The following DOCK4 variants were observed in gnomAD, a reference collection of about 807,000 sequenced individuals.
DOCK4 encodes the protein dedicator of cytokinesis protein 4.
A neutral mutation model predicts 268.1 loss-of-function variants in DOCK4; 97 were observed. That is an observed-to-expected ratio of 0.36 (90% CI 0.31 to 0.43). The LOEUF is 0.43. Ranked by LOEUF, DOCK4 falls within the 20% of genes least tolerant of loss-of-function variation. The probability of loss-of-function intolerance (pLI) is 1.00; values close to 1 mark genes in which losing one functional copy is unlikely to be tolerated. For missense variants in DOCK4, 2,145 were observed against 2,455.7 expected (o/e 0.87, Z 2.67); for synonymous variants, 954 against 887.2 (o/e 1.08, Z -1.34).
In DOCK4 at chr7:112,179,848, A is replaced by C. The variant is rs561264062; in HGVS notation, c.37+26254T>G. Among the ~76,000 whole-genome samples, 5 of 152,330 alleles carry C rather than the reference A, an allele frequency of 3.3e-5. No individual in the cohort carries two copies. In the East Asian group the frequency reaches 9.6e-4, roughly 29 times the overall value. Reference sequence around the variant, plus strand: ...ACCTCAAAGGTATGATGAATATTTAACTGGGGCTCGTATCACTTTAGCATA... The same window carrying C: ...ACCTCAAAGGTATGATGAATATTTACCTGGGGCTCGTATCACTTTAGCATA... On this transcript the variant is annotated intron_variant, in intron 1 of 52. Transcript: ENST00000428084.
intron 26 of DOCK4, among the ~76,000 whole-genome samples, chr7:111,827,074 T>A (rs1271833058): frequency 2.0e-5 from 3 of 152,094 alleles, no homozygotes; most frequent in Non-Finnish European, 4.4e-5. Flanking sequence ...GAACAATGAA[T>A]AGGACAGACC....
chr7:111,860,464 T>C (rs1421206817), intron 23 of DOCK4, among the ~76,000 whole-genome samples: 1 of 152,212 alleles, frequency 6.6e-6, no homozygotes, highest in East Asian at 1.9e-4. Context: ...GCTGCGGCAG[T>C]GACAGAAGCC....
intron 23 of DOCK4, among the ~76,000 whole-genome samples, chr7:111,862,225 G>C (rs1805595895): frequency 1.3e-5 from 2 of 151,850 alleles, no homozygotes; most frequent in African/African-American, 2.4e-5. Flanking sequence ...CTTGAACCTG[G>C]GAGGCAGAAG....
intron 1 of DOCK4, among the ~76,000 whole-genome samples, chr7:112,078,576 C>A (rs1246632402): frequency 6.6e-6 from 1 of 152,112 alleles, no homozygotes; most frequent in Non-Finnish European, 1.5e-5. Context: ...AAGAGTTTGT[C>A]GAGTTTAAGG....
chr7:112,183,431 T>C (rs1258420852), intron 1 of DOCK4, among the ~76,000 whole-genome samples: 1 of 152,270 alleles, frequency 6.6e-6, no homozygotes, highest in African/African-American at 2.4e-5. Flanking sequence ...CAGGCTTTAC[T>C]GATGGCCTGA....
chr7:111,730,616 G>A (rs1795017645), intron 52 of DOCK4, among the ~76,000 whole-genome samples: 3 of 151,156 alleles, frequency 2.0e-5, no homozygotes, highest in Admixed American at 1.3e-4. Flanking sequence ...TAGACCCACA[G>A]TTTGATGGCT....
intron 30 of DOCK4, among the ~76,000 whole-genome samples, chr7:111,797,125 C>T (rs1799954514): frequency 6.6e-6 from 1 of 152,180 alleles, no homozygotes; most frequent in Non-Finnish European, 1.5e-5. Context: ...ACTTCCTTAA[C>T]CTGAGAACGT....
At chr7:112,166,284 C>T (rs1380551444) in intron 1 of DOCK4, among the ~76,000 whole-genome samples, 2 of 152,068 alleles carry the variant, frequency 1.3e-5, no homozygotes, top group Non-Finnish European at 2.9e-5. Context: ...AAAAAACATG[C>T]TCTTGGGGTA....
intron 1 of DOCK4, among the ~76,000 whole-genome samples, chr7:112,143,933 C>T (rs1267149600): frequency 2.0e-5 from 3 of 152,192 alleles, no homozygotes; most frequent in Admixed American, 6.5e-5. Context: ...TCTTCCTACA[C>T]GGATTGTAAA....
chr7:111,771,249 G>A lies in DOCK4; in HGVS notation c.3680-1572C>T, dbSNP rs577670119. ...CTCCATGTAGTACAGGTATGAAAGA[G>A]CCCACCTCCATCTCTTTTAAGAAGC... is the stretch of plus-strand genomic sequence containing the variant. On this transcript the variant is annotated intron_variant, in intron 36 of 52. Coordinates refer to ENST00000428084, the MANE Select transcript of DOCK4 (RefSeq NM_001363540.2). Among the ~76,000 whole-genome samples, 6 of 152,276 alleles carry A rather than the reference G, an allele frequency of 3.9e-5. No homozygotes were observed. The East Asian group carries it at 1.2e-3, about 29-fold the overall frequency.
chr7:111,744,454 A>G (rs1353671464), intron 44 of DOCK4, among the ~76,000 whole-genome samples: 1 of 152,174 alleles, frequency 6.6e-6, no homozygotes. Flanking sequence ...TGCTTGTCTT[A>G]TAACAGAGAT....
intron 23 of DOCK4, among the ~76,000 whole-genome samples, chr7:111,854,214 C>G (rs1222200557): frequency 6.6e-6 from 1 of 152,208 alleles, no homozygotes; most frequent in South Asian, 2.1e-4. Flanking sequence ...CACAGGCAGA[C>G]AGCCTGGTGC....
chr7:111,948,110 A>G lies in DOCK4; in HGVS notation c.702-2312T>C, dbSNP rs79082535. 6.1e-3 allele frequency among the ~76,000 whole-genome samples: 933 copies of G among 152,342 alleles called. 12 individuals are homozygous for G. The highest frequency in any genetic ancestry group is 0.022 in the African/African-American group (897 of 41,566). On this transcript the variant is annotated intron_variant, in intron 8 of 52. Transcript: ENST00000428084. The stretch of plus-strand genomic sequence containing the variant: ...GGAATTATACTTTAACCATATTATT[A>G]GGTAATACATTTTTGGGAATTTACC...
At chr7:111,978,709 G>A (rs1396051844) in intron 7 of DOCK4, among the ~76,000 whole-genome samples, 1 of 152,164 alleles carries the variant, frequency 6.6e-6, no homozygotes, top group African/African-American at 2.4e-5. Context: ...ATAATTCCCT[G>A]CAGACTGATT....
chr7:112,072,648 G>C (rs570828624), intron 1 of DOCK4, among the ~76,000 whole-genome samples: 2 of 152,180 alleles, frequency 1.3e-5, no homozygotes, highest in African/African-American at 4.8e-5. Context: ...CAACCATCAG[G>C]TGATGGTCAG....
chr7:111,765,154 A>C lies in DOCK4; in HGVS notation c.3984T>G (p.Val1328=). 6.5e-7 allele frequency: 1 copy of C among 1,542,464 alleles called. No homozygotes were observed. Among genetic ancestry groups the C allele is most frequent in the Non-Finnish European group, 8.7e-7 (1 of 1,147,578 alleles). ...ATGGAAATTTTTTTCCATAAAATCC[A>C]ACTCTGAAGAACTCTGGTTCAAGAC... The part of the protein sequence containing the change: ...QQRLEPEFFR[V]GFYGKKFPFF... The change falls in exon 39 of 53, where the codon GTT becomes GTG. Residue 1328 remains valine, a synonymous_variant. Transcript: ENST00000428084.
intron 36 of DOCK4, among the ~76,000 whole-genome samples, chr7:111,770,970 G>C (rs1240992920): frequency 6.6e-6 from 1 of 152,196 alleles, no homozygotes; most frequent in Admixed American, 6.5e-5. Context: ...TACCTTTGGT[G>C]AGCTTATACA....
At chr7:111,987,189 TATC>T (rs1321754869) in intron 6 of DOCK4, among the ~76,000 whole-genome samples, 1 of 152,198 alleles carries the variant, frequency 6.6e-6, no homozygotes, top group Non-Finnish European at 1.5e-5. Context: ...TTTACCAACT[TATC>T]ATAAATTAGC....
Position 111,783,865 on chromosome 7 carries a change from T to C in DOCK4, c.3516A>G (p.Leu1172=). Residue 1172 remains leucine, a synonymous_variant, in exon 34 of 53, where the codon TTA becomes TTG. Coordinates refer to ENST00000428084, the MANE Select transcript of DOCK4 (RefSeq NM_001363540.2). The part of the protein sequence containing the change: ...ATVTRLMERL[L]DYRDCMKMGE... Reference sequence around the variant, plus strand: ...CATGCGACTTGGCTTACCTGTAATCTAACAACCTCTCCATTAGACGAGTTA... The same window carrying C: ...CATGCGACTTGGCTTACCTGTAATCCAACAACCTCTCCATTAGACGAGTTA... 1 of 1,600,430 alleles carries C rather than the reference T, an allele frequency of 6.2e-7. No individual in the cohort carries two copies. The highest frequency in any genetic ancestry group is 2.3e-5 in the East Asian group (1 of 44,414).
Sources: allele counts gnomAD v4.1 joint callset (sites outside exome capture counted in the v4.1 genomes callset), GRCh38; gene constraint gnomAD v4.1.1; transcripts MANE v1.5; gene names NCBI Gene and HGNC (gene_info 2026-07-23, HGNC 2026-07-21).